Variants in AMZ1 observed in about 807,000 individuals in gnomAD.
The protein encoded by AMZ1 is archaemetzincin-1.
A neutral mutation model predicts 29.9 loss-of-function variants in AMZ1; 39 were observed. The ratio of observed to expected loss-of-function variants is 1.30; its 90% CI spans 1.01 to 1.70. The LOEUF is 1.70. Ranked by LOEUF, AMZ1 falls within the 40% of genes most tolerant of loss-of-function variation. AMZ1 has a pLI of 0.00. For synonymous variants in AMZ1, 458 were observed against 304.0 expected, an observed-to-expected ratio of 1.51 and a Z score of -5.27; for missense variants, 1,041 against 680.6, an observed-to-expected ratio of 1.53 and a Z score of -5.89.
intron 4 of AMZ1, among the ~76,000 whole-genome samples, chr7:2,746,781 T>C (rs577370236): frequency 5.3e-5 from 8 of 151,562 alleles, no homozygotes; most frequent in Non-Finnish European, 1.0e-4. Context: ...GCAAGACTAA[T>C]AAAGAAGAAA....
intron 1 of AMZ1, among the ~76,000 whole-genome samples, chr7:2,695,844 C>G (rs1787683721): frequency 6.6e-6 from 1 of 152,014 alleles, no homozygotes; most frequent in African/African-American, 2.4e-5. Flanking sequence ...AACCCCGTCT[C>G]TACTAAAAAT....
At chr7:2,700,826 CTG>C (rs1289002956) in intron 2 of AMZ1, 71 bp downstream of exon 2, 53 of 1,535,350 alleles carry the variant, frequency 3.5e-5, no homozygotes, top group Non-Finnish European at 4.6e-5. Flanking sequence ...TGGGGGATGT[CTG>C]TGCATAGCCC....
chr7:2,715,667 T>G lies in AMZ1; in HGVS notation c.*2789T>G, dbSNP rs890112586. The G allele has an allele frequency of 6.7e-6, 1 of 150,270 alleles. No homozygotes were observed. Among genetic ancestry groups the G allele is most frequent in the Middle Eastern group, 3.2e-3 (1 of 312 alleles). 9.3% of individuals were successfully genotyped at this position (150,270 alleles called of 1,614,324 possible). On this transcript the variant is annotated 3_prime_UTR_variant, in exon 7 of 7. Transcript: ENST00000683327. ...AGCTGTTAGAAGGACTGTTTTGAAA[T>G]GCAACTTTGAGGAAGAGAAATTGGT...
chr7:2,736,518 G>C (rs1790184990), intron 4 of AMZ1, among the ~76,000 whole-genome samples: 3 of 152,314 alleles, frequency 2.0e-5, no homozygotes, highest in African/African-American at 4.8e-5. Flanking sequence ...GCAGGGGCTG[G>C]TGGCAGTGAA....
In AMZ1 at chr7:2,714,763, C is replaced by T. The variant is rs1789021245; in HGVS notation, c.*1885C>T. ...GTGGAATTTGGCTGGGAATCTCAGGCCTTGGTTCCTGCCCACGTGAGACTC... is the reference window on the plus strand; with the variant it reads ...GTGGAATTTGGCTGGGAATCTCAGGTCTTGGTTCCTGCCCACGTGAGACTC... On this transcript the variant is annotated 3_prime_UTR_variant, in exon 7 of 7. Coordinates refer to ENST00000683327, the MANE Select transcript of AMZ1 (RefSeq NM_001384743.1). 6.6e-6 allele frequency: 1 copy of T among 152,210 alleles called. No homozygotes were observed. The highest frequency in any genetic ancestry group is 1.5e-5 in the Non-Finnish European group (1 of 68,042). The allele number at this position is 152,210 out of a possible 1,614,324, so 9.4% of individuals were successfully genotyped here.
upstream of AMZ1, among the ~76,000 whole-genome samples, chr7:2,684,093 G>T (rs528932461): frequency 1.3e-5 from 2 of 152,028 alleles, no homozygotes; most frequent in East Asian, 2.0e-4. Flanking sequence ...CAGGAGAATC[G>T]CTTGAACCTG....
rs531026102 is a variant in AMZ1, at chr7:2,746,943, C to T, written n.551-17769C>T. ...GAAGAAATGGATAAATTCCTCGACA[C>T]ATACATCCTCCCAAGACTAAACCAG... On this transcript the variant is annotated intron_variant and non_coding_transcript_variant, in intron 4 of 4. Coordinates refer to the AMZ1 transcript ENST00000489665. 5.2e-4 allele frequency among the ~76,000 whole-genome samples: 79 copies of T among 152,338 alleles called. 1 individual carries two copies. In the South Asian group the frequency reaches 0.016, roughly 31 times the overall value.
rs910555222 is a variant in AMZ1, at chr7:2,718,299, C to T, written c.*5421C>T. ...CATTTTCTCTCTCAGGCAGGGTGCT[C>T]TGCCCGCCACAGTGTGCCTGGTTTT... On this transcript the variant is annotated 3_prime_UTR_variant, in exon 7 of 7. Coordinates refer to ENST00000683327, the MANE Select transcript of AMZ1 (RefSeq NM_001384743.1). 6.6e-6 allele frequency among the ~76,000 whole-genome samples: 1 copy of T among 152,190 alleles called. No individual in the cohort carries two copies. Among genetic ancestry groups the T allele is most frequent in the Non-Finnish European group, 1.5e-5 (1 of 68,038 alleles).
rs555617909 is a variant in AMZ1, at chr7:2,682,910, C to T, written c.-219+3239C>T. Among the ~76,000 whole-genome samples the T allele has an allele frequency of 5.3e-5, 8 of 152,366 alleles. No homozygotes were observed. The East Asian group carries it at 1.4e-3, about 26-fold the overall frequency. ...CACACCCCCATCTCTGCCGTTGACC[C>T]GGGCTCATCTTGCTGTGCGGTGAAG... On this transcript the variant is annotated intron_variant, in intron 1 of 6. Coordinates refer to the AMZ1 transcript ENST00000312371.
At chr7:2,737,116 G>A (rs139932884) in intron 4 of AMZ1, among the ~76,000 whole-genome samples, 6 of 152,266 alleles carry the variant, frequency 3.9e-5, no homozygotes, top group East Asian at 1.9e-4. Flanking sequence ...AAAGGTAACC[G>A]TGGATTGGTC....
chr7:2,684,754 C>A (rs939485899), upstream of AMZ1, among the ~76,000 whole-genome samples: 3 of 152,132 alleles, frequency 2.0e-5, no homozygotes, highest in Admixed American at 6.6e-5. Flanking sequence ...TGGCACTGGG[C>A]ATGGCGCCAC....
chr7:2,720,985 TTC>T (rs1392638687), downstream of AMZ1, among the ~76,000 whole-genome samples: 1 of 152,222 alleles, frequency 6.6e-6, no homozygotes, highest in Non-Finnish European at 1.5e-5. Context: ...AGCCCGTTAT[TTC>T]TGTTTATACG....
In AMZ1 at chr7:2,719,566, T is replaced by C. The variant is rs1193040760; in HGVS notation, c.*6688T>C. On this transcript the variant is annotated 3_prime_UTR_variant, in exon 7 of 7. Transcript: ENST00000683327. ...AAGTGGAAATACACCTGGAACATTT[T>C]ATACTGCAATGACTGATGGACGACT... Among the ~76,000 whole-genome samples the C allele has an allele frequency of 6.6e-6, 1 of 152,272 alleles. No individual in the cohort carries two copies. Among genetic ancestry groups the C allele is most frequent in the African/African-American group, 2.4e-5 (1 of 41,478 alleles).
chr7:2,697,057 G>A (rs1340343923), intron 1 of AMZ1, among the ~76,000 whole-genome samples: 1 of 152,154 alleles, frequency 6.6e-6, no homozygotes, highest in East Asian at 1.9e-4. Context: ...TATGTACAAA[G>A]ATGTTCATTA....
At chr7:2,720,688 A>ACTGCGC (rs903914739), downstream of AMZ1, among the ~76,000 whole-genome samples, 7 of 151,818 alleles carry the variant, frequency 4.6e-5, no homozygotes, top group Non-Finnish European at 8.8e-5. Context: ...GGTGTGAGCC[A>ACTGCGC]CTGCGCCCAG....
chr7:2,712,735 C>T lies in AMZ1; in HGVS notation c.1354C>T (p.Gln452Ter), dbSNP rs897169661. 6.2e-7 allele frequency: 1 copy of T among 1,606,670 alleles called. No homozygotes were observed. Among genetic ancestry groups the T allele is most frequent in the South Asian group, 1.1e-5 (1 of 90,124 alleles). ...MFTGQLPATR[Q>*]DPPSSRDSVG... ...CACGGGCCAGCTCCCGGCCACCAGG[C>T]AGGACCCACCCAGCAGCAGGGACAG... is the stretch of plus-strand genomic sequence containing the variant. The change falls in exon 7 of 7, where the codon CAG becomes TAG. Residue 452 changes from glutamine (Q) to a stop codon, truncating the protein, a stop_gained. Coordinates refer to ENST00000683327, the MANE Select transcript of AMZ1 (RefSeq NM_001384743.1). LOFTEE classifies it low-confidence loss of function (END_TRUNC).
intron 4 of AMZ1, among the ~76,000 whole-genome samples, chr7:2,734,891 C>T (rs1043628573): frequency 2.0e-5 from 3 of 152,148 alleles, no homozygotes; most frequent in African/African-American, 2.4e-5. Context: ...GGGAAGGCAT[C>T]GGGAGTGCCA....
intron 4 of AMZ1, among the ~76,000 whole-genome samples, chr7:2,742,098 T>C (rs559427941): frequency 6.6e-6 from 1 of 152,158 alleles, no homozygotes; most frequent in East Asian, 1.9e-4. Flanking sequence ...CTCAGCTCAC[T>C]GCAGCCTCCG....
chr7:2,718,922 A>T lies in AMZ1; in HGVS notation c.*6044A>T, dbSNP rs1012691853. On this transcript the variant is annotated 3_prime_UTR_variant, in exon 7 of 7. Transcript: ENST00000683327. ...CGCTTTTCTCAGGGTCGCTTAACAC[A>T]GGCAGGGGTACAGGAGAGCTCCGGC... 2.0e-5 allele frequency among the ~76,000 whole-genome samples: 3 copies of T among 152,032 alleles called. No individual in the cohort carries two copies. The highest frequency in any genetic ancestry group is 6.6e-5 in the Admixed American group (1 of 15,266).
Sources: allele counts gnomAD v4.1 joint callset (sites outside exome capture counted in the v4.1 genomes callset), GRCh38; gene constraint gnomAD v4.1.1; transcripts MANE v1.5; gene names NCBI Gene and HGNC (gene_info 2026-07-23, HGNC 2026-07-21).